Variants in EPHA6 observed in about 807,000 individuals in gnomAD.
The protein encoded by EPHA6 is EPH receptor A6.
EPHA6 carries 50 observed loss-of-function variants against 112.0 expected under a neutral mutation model. That is an observed-to-expected ratio of 0.45 (90% CI 0.36 to 0.56). The LOEUF (loss-of-function observed/expected upper bound fraction) is 0.56, where lower values mean the gene tolerates loss of function less well. Among genes scored for constraint, EPHA6 ranks in the 20% least tolerant of loss-of-function variants. The pLI is 0.00. For synonymous variants in EPHA6, 529 were observed against 490.7 expected (o/e 1.08, Z -1.03); for missense variants, 1,280 against 1,417.4 (o/e 0.90, Z 1.56).
At chr3:97,076,952 A>G (rs925232479) in intron 3 of EPHA6, among the ~76,000 whole-genome samples, 1 of 152,162 alleles carries the variant, frequency 6.6e-6, no homozygotes, top group Admixed American at 6.6e-5. Context: ...ACTACTGCTA[A>G]TTGACAATGT....
chr3:97,211,295 A>C (rs2108513784), intron 3 of EPHA6, among the ~76,000 whole-genome samples: 1 of 152,320 alleles, frequency 6.6e-6, no homozygotes, highest in African/African-American at 2.4e-5. Context: ...CTTAATAATA[A>C]AATGGTAGAC....
At chr3:96,932,264 T>C (rs1409139878) in intron 2 of EPHA6, among the ~76,000 whole-genome samples, 2 of 152,210 alleles carry the variant, frequency 1.3e-5, no homozygotes, top group Non-Finnish European at 2.9e-5. Flanking sequence ...TTCCTCTATG[T>C]GAGTAGTGTG....
chr3:97,038,185 A>G (rs999996603), intron 3 of EPHA6, among the ~76,000 whole-genome samples: 6 of 152,002 alleles, frequency 3.9e-5, no homozygotes, highest in Non-Finnish European at 7.4e-5. Context: ...TCATCTAGCT[A>G]TGTTGAAATG....
At chr3:97,681,284 A>G (rs1288976180) in intron 14 of EPHA6, among the ~76,000 whole-genome samples, 1 of 152,154 alleles carries the variant, frequency 6.6e-6, no homozygotes. Flanking sequence ...GTAAGAATAT[A>G]AATTGATAAA....
At chr3:97,632,192 A>G (rs1032194943) in intron 13 of EPHA6, among the ~76,000 whole-genome samples, 1 of 152,004 alleles carries the variant, frequency 6.6e-6, no homozygotes, top group African/African-American at 2.4e-5. Context: ...CATCAAGAGA[A>G]TATCTTACCG....
chr3:97,361,056 T>A (rs1488123398), intron 5 of EPHA6, among the ~76,000 whole-genome samples: 1 of 152,190 alleles, frequency 6.6e-6, no homozygotes, highest in African/African-American at 2.4e-5. Flanking sequence ...TTGCTGAGTC[T>A]TCCATCCAAT....
intron 2 of EPHA6, among the ~76,000 whole-genome samples, chr3:96,946,719 T>A (rs1459281152): frequency 6.6e-6 from 1 of 152,212 alleles, no homozygotes; most frequent in Non-Finnish European, 1.5e-5. Context: ...CAAAGGGTAT[T>A]TCTAGTTCTA....
intron 13 of EPHA6, among the ~76,000 whole-genome samples, chr3:97,618,660 A>G (rs1289174837): frequency 6.6e-6 from 1 of 152,150 alleles, no homozygotes; most frequent in Non-Finnish European, 1.5e-5. Flanking sequence ...TAGAAAATCT[A>G]GAAGAAATTG....
chr3:96,878,232 A>G (rs894719561), intron 2 of EPHA6, among the ~76,000 whole-genome samples: 2 of 151,958 alleles, frequency 1.3e-5, no homozygotes, highest in Admixed American at 1.3e-4. Flanking sequence ...AATCGTTTGG[A>G]TGACCATAAG....
At chr3:97,523,132 A>G (rs968464513) in intron 10 of EPHA6, among the ~76,000 whole-genome samples, 30 of 152,022 alleles carry the variant, frequency 2.0e-4, no homozygotes, top group African/African-American at 6.5e-4. Flanking sequence ...TTGCTTACTT[A>G]AGAACTTTTC....
intron 5 of EPHA6, among the ~76,000 whole-genome samples, chr3:97,396,862 A>G (rs1559956527): frequency 6.6e-6 from 1 of 151,842 alleles, no homozygotes; most frequent in Admixed American, 6.6e-5. Context: ...TTCTTCAGCT[A>G]TCTCCACATA....
chr3:97,217,152 A>G (rs2078057659), intron 3 of EPHA6, among the ~76,000 whole-genome samples: 1 of 152,188 alleles, frequency 6.6e-6, no homozygotes, highest in Non-Finnish European at 1.5e-5. Context: ...TTAATGCACT[A>G]TTAATCGAGA....
intron 5 of EPHA6, among the ~76,000 whole-genome samples, chr3:97,260,523 T>A (rs1042127977): frequency 3.3e-5 from 5 of 152,206 alleles, no homozygotes; most frequent in African/African-American, 7.2e-5. Context: ...TGGATAGAGT[T>A]TTGAATATCA....
rs1229129694 is a variant in EPHA6, at chr3:97,345,240, A to C, written c.1607-59910A>C. ...GTGTGTCACTTAGAATACTGCTTAG[A>C]GGATGTTTTGATAAATATTTGGAGG... On this transcript the variant is annotated intron_variant, in intron 5 of 17. Coordinates refer to ENST00000389672, the MANE Select transcript of EPHA6 (RefSeq NM_001080448.3). Among the ~76,000 whole-genome samples, 3 of 152,204 alleles carry C rather than the reference A, an allele frequency of 2.0e-5. No individual in the cohort carries two copies. In the East Asian group the frequency reaches 5.8e-4, roughly 29 times the overall value.
At position 97,000,797 on chromosome 3, in the gene EPHA6, T is replaced by TTATA. The variant is rs577138468; in HGVS notation, c.1114+12817_1114+12820dup. On this transcript the variant is annotated intron_variant, in intron 3 of 17. Coordinates refer to ENST00000389672, the MANE Select transcript of EPHA6 (RefSeq NM_001080448.3). ...AACAGTAGGCAGGTAGTAAGCTAAG[T>TTATA]TATATATATATATATAGTGTATATA... 5.3e-3 allele frequency among the ~76,000 whole-genome samples: 749 copies of TTATA among 142,106 alleles called. 6 individuals carry two copies. Among genetic ancestry groups the TTATA allele is most frequent in the African/African-American group, 0.02 (699 of 34,512 alleles). 93.2% of individuals were successfully genotyped at this position (142,106 alleles called of 152,430 possible).
chr3:97,424,438 C>T (rs190281147), intron 6 of EPHA6, among the ~76,000 whole-genome samples: 13 of 152,198 alleles, frequency 8.5e-5, no homozygotes, highest in African/African-American at 1.4e-4. Flanking sequence ...TTAACTCAAA[C>T]GATAATGATC....
intron 15 of EPHA6, among the ~76,000 whole-genome samples, chr3:97,721,504 T>C (rs1351472434): frequency 6.6e-6 from 1 of 152,210 alleles, no homozygotes; most frequent in Non-Finnish European, 1.5e-5. Context: ...ACTGACTCTG[T>C]GGAAAATGCT....
intron 2 of EPHA6, among the ~76,000 whole-genome samples, chr3:96,964,843 CA>C (rs1299453384): frequency 6.6e-6 from 1 of 152,004 alleles, no homozygotes; most frequent in Non-Finnish European, 1.5e-5. Context: ...GTAATGGCTG[CA>C]AAAGTCTACT....
chr3:97,746,994 G>A (rs984754117), intron 16 of EPHA6, among the ~76,000 whole-genome samples: 135 of 152,004 alleles, frequency 8.9e-4, no homozygotes, highest in African/African-American at 3.0e-3. Context: ...TCAGGGGTAG[G>A]TCAGACAGGG....
Sources: allele counts gnomAD v4.1 joint callset (sites outside exome capture counted in the v4.1 genomes callset), GRCh38; gene constraint gnomAD v4.1.1; transcripts MANE v1.5; gene names NCBI Gene and HGNC (gene_info 2026-07-23, HGNC 2026-07-21).